ARHGAP28: variants seen among roughly 807,000 people sequenced by gnomAD.
ARHGAP28 encodes rho GTPase-activating protein 28.
A neutral mutation model predicts 90.7 loss-of-function variants in ARHGAP28; 56 were observed. That is an observed-to-expected ratio of 0.62 (90% CI 0.50 to 0.77). ARHGAP28 has a LOEUF of 0.77. Among genes scored for constraint, ARHGAP28 ranks in the 30% least tolerant of loss-of-function variants. The pLI is 0.00. For missense variants in ARHGAP28, 869 were observed against 900.9 expected, an observed-to-expected ratio of 0.96 and a Z score of 0.45; for synonymous variants, 308 against 323.3, an observed-to-expected ratio of 0.95 and a Z score of 0.51.
chr18:6,912,503 T>G lies in ARHGAP28; in HGVS notation c.*349T>G, dbSNP rs2057404734. ...CTAGGGATAAGCAATGTTCTTTATG[T>G]AGCCAATGCTACGAAACAAAAGAGG... On this transcript the variant is annotated 3_prime_UTR_variant, in exon 18 of 18. Coordinates refer to ENST00000383472, the MANE Select transcript of ARHGAP28 (RefSeq NM_001366230.1). 6.3e-6 allele frequency: 1 copy of G among 159,612 alleles called. No individual in the cohort carries two copies. The highest frequency in any genetic ancestry group is 6.4e-5 in the Admixed American group (1 of 15,540). 9.9% of individuals were successfully genotyped at this position (159,612 alleles called of 1,614,324 possible). A position where few individuals can be genotyped will look rare whatever the true frequency, so the allele number is the denominator to read the frequency against.
chr18:6,841,210 T>TCTCTCTCTCTCTCTCTCTC (rs1567966910), intron 3 of ARHGAP28, among the ~76,000 whole-genome samples: 12 of 94,370 alleles, frequency 1.3e-4, no homozygotes, highest in African/African-American at 5.6e-4. Context: ...TCTCCTCTCC[T>TCTCTCTCTCTCTCTCTCTC]CTCTCTCTCT....
chr18:6,751,683 G>A (rs747509250), intron 1 of ARHGAP28, among the ~76,000 whole-genome samples: 4 of 152,196 alleles, frequency 2.6e-5, no homozygotes, highest in East Asian at 1.9e-4. Context: ...GGTTCTCTAC[G>A]GGGGTGTCCA....
chr18:6,870,007 G>A lies in ARHGAP28; in HGVS notation c.812-583G>A, dbSNP rs367834924. 3.2e-4 allele frequency among the ~76,000 whole-genome samples: 48 copies of A among 152,276 alleles called. 1 individual carries two copies. Among genetic ancestry groups the A allele is most frequent in the African/African-American group, 1.1e-3 (47 of 41,558 alleles). ...ATAACCCATTCAGCTTTTTCTCAAT[G>A]TATGTCATACAAGATCAGGTAACCA... On this transcript the variant is annotated intron_variant, in intron 6 of 17. Transcript: ENST00000383472.
intron 1 of ARHGAP28, among the ~76,000 whole-genome samples, chr18:6,798,496 G>A (rs1247065213): frequency 6.6e-6 from 1 of 152,148 alleles, no homozygotes; most frequent in Non-Finnish European, 1.5e-5. Context: ...TGCCCAGCCT[G>A]TAAATTATTA....
chr18:6,749,253 A>C (rs964621805), intron 1 of ARHGAP28, among the ~76,000 whole-genome samples: 1 of 152,220 alleles, frequency 6.6e-6, no homozygotes, highest in Non-Finnish European at 1.5e-5. Flanking sequence ...AATTATAGGT[A>C]GCAAATTAAT....
In ARHGAP28 at chr18:6,890,524, G is replaced by C. The variant is rs748649231; in HGVS notation, c.1829G>C (p.Arg610Thr). The change falls in exon 14 of 18, where the codon AGG (arginine) becomes ACG (threonine). Residue 610 changes from arginine (R) to threonine (T), a missense_variant. Coordinates refer to ENST00000383472, the MANE Select transcript of ARHGAP28 (RefSeq NM_001366230.1). Reference sequence around the variant, plus strand: ...CCAAGTGTCAGGAAGCTGCTCAGGAGGAAGACCCTCGAGCGGGAGGTAAGA... The same window carrying C: ...CCAAGTGTCAGGAAGCTGCTCAGGACGAAGACCCTCGAGCGGGAGGTAAGA... ...QLPSVRKLLR[R>T]KTLERETASP... 6.2e-7 allele frequency: 1 copy of C among 1,611,240 alleles called. No individual in the cohort carries two copies. Among genetic ancestry groups the C allele is most frequent in the Non-Finnish European group, 8.5e-7 (1 of 1,179,006 alleles).
Position 6,870,771 on chromosome 18 carries a change from G to A in ARHGAP28, c.954+39G>A, listed in dbSNP as rs764494856. 35 of 1,557,674 alleles carry A rather than the reference G, an allele frequency of 2.2e-5. No individual in the cohort carries two copies. In the Middle Eastern group the frequency reaches 7.5e-4, roughly 34 times the overall value. ...TTCATGATTATTCCAGGAACTTCCT[G>A]TGACTTCATAGGACAAAACTAAGAT... is the stretch of plus-strand genomic sequence containing the variant. On this transcript the variant is annotated intron_variant, in intron 7 of 17. Transcript: ENST00000383472.
intron 1 of ARHGAP28, among the ~76,000 whole-genome samples, chr18:6,751,108 A>C (rs1464178756): frequency 2.0e-5 from 3 of 152,186 alleles, no homozygotes; most frequent in Non-Finnish European, 4.4e-5. Flanking sequence ...TACCCTAGAA[A>C]TATTTATGGA....
rs568023796 is a variant in ARHGAP28 at position 6,890,537 on chromosome 18, G to A, written c.1842G>A (p.Glu614=). Residue 614 remains glutamate (E), a synonymous_variant, in exon 14 of 18, where the codon GAG becomes GAA. Coordinates refer to ENST00000383472, the MANE Select transcript of ARHGAP28 (RefSeq NM_001366230.1). The stretch of plus-strand genomic sequence containing the variant: ...AGCTGCTCAGGAGGAAGACCCTCGA[G>A]CGGGAGGTAAGACAGCAAATGAGGC... The part of the protein sequence containing the change: ...VRKLLRRKTL[E]RETASPKTSK... 4 of 1,607,088 alleles carry A rather than the reference G, an allele frequency of 2.5e-6. No individual in the cohort carries two copies. In the African/African-American group the frequency reaches 5.4e-5, roughly 22 times the overall value.
At chr18:6,843,061 T>C (rs940038717) in intron 3 of ARHGAP28, among the ~76,000 whole-genome samples, 1 of 152,210 alleles carries the variant, frequency 6.6e-6, no homozygotes, top group Non-Finnish European at 1.5e-5. Flanking sequence ...AACTGTAATT[T>C]ATTTCCTTTT....
intron 1 of ARHGAP28, among the ~76,000 whole-genome samples, chr18:6,780,849 G>T (rs981028174): frequency 6.8e-6 from 1 of 147,532 alleles, no homozygotes; most frequent in Non-Finnish European, 1.5e-5. Context: ...CCGAGATCAC[G>T]CCATTTGCAC....
chr18:6,827,495 A>T (rs529339381), intron 2 of ARHGAP28, among the ~76,000 whole-genome samples: 272 of 110,466 alleles, frequency 2.5e-3, no homozygotes, highest in Middle Eastern at 6.9e-3. Context: ...GCGGCCGGGC[A>T]GAGGCGCCCC....
In ARHGAP28 at chr18:6,859,842, C is replaced by T. The variant is rs2056983772; in HGVS notation, c.671C>T (p.Ser224Phe). 1.1e-5 allele frequency: 17 copies of T among 1,614,234 alleles called. No individual in the cohort carries two copies. Among genetic ancestry groups the T allele is most frequent in the Non-Finnish European group, 1.4e-5 (16 of 1,180,034 alleles). Residue 224 changes from serine to phenylalanine, a missense_variant, in exon 5 of 18, where the codon TCT becomes TTT. Coordinates refer to ENST00000383472, the MANE Select transcript of ARHGAP28 (RefSeq NM_001366230.1). ...DDASLNSTTL[S>F]DASQDKEGSF... ...GCTTCTCTCAACAGTACTACCCTGT[C>T]TGACGCATCCCAGGATAAAGAAGGG...
chr18:6,881,614 C>G (rs573470311), intron 10 of ARHGAP28, among the ~76,000 whole-genome samples: 2 of 152,296 alleles, frequency 1.3e-5, no homozygotes, highest in East Asian at 3.9e-4. Flanking sequence ...AATAAAACTT[C>G]GCTGTCACTG....
chr18:6,853,405 G>A lies in ARHGAP28; in HGVS notation c.636+2279G>A, dbSNP rs994736941. On this transcript the variant is annotated intron_variant, in intron 4 of 17. Coordinates refer to ENST00000383472, the MANE Select transcript of ARHGAP28 (RefSeq NM_001366230.1). Reference sequence around the variant, plus strand: ...GCTTCATCTGCATGATAAAACCTAGGTCTCCACAGCCCCTATCATAACTCA... The same window carrying A: ...GCTTCATCTGCATGATAAAACCTAGATCTCCACAGCCCCTATCATAACTCA... 3.9e-5 allele frequency among the ~76,000 whole-genome samples: 6 copies of A among 151,984 alleles called. 1 individual carries two copies. Among genetic ancestry groups the A allele is most frequent in the Admixed American group, 2.0e-4 (3 of 15,272 alleles).
chr18:6,896,567 T>G lies in ARHGAP28; in HGVS notation c.1971T>G (p.Ile657Met), dbSNP rs1286403955. 1 of 1,614,176 alleles carries G rather than the reference T, an allele frequency of 6.2e-7. No individual in the cohort carries two copies. Among genetic ancestry groups the G allele is most frequent in the East Asian group, 2.2e-5 (1 of 44,874 alleles). Residue 657 changes from isoleucine (I) to methionine (M), a missense_variant, in exon 16 of 18, where the codon ATT becomes ATG. By Grantham distance (10) the Ile-to-Met change is conservative (BLOSUM62 1). Transcript: ENST00000383472. ...TTCTCTCCAAGGTGTCCATGGCCAT[T>G]CAACTCAACAATCAAACCAAAGCCA... ...APLLSKVSMA[I>M]QLNNQTKAKD...
chr18:6,775,155 T>A (rs1363314667), intron 1 of ARHGAP28, among the ~76,000 whole-genome samples: 1 of 152,250 alleles, frequency 6.6e-6, no homozygotes, highest in Non-Finnish European at 1.5e-5. Context: ...GTTTGTCTTC[T>A]ATTTCATTTT....
At chr18:6,740,228 C>T (rs1440017452) in intron 1 of ARHGAP28, among the ~76,000 whole-genome samples, 2 of 152,194 alleles carry the variant, frequency 1.3e-5, no homozygotes, top group Non-Finnish European at 2.9e-5. Flanking sequence ...TCTATTCTCT[C>T]CCAATTTTCA....
chr18:6,737,543 A>G (rs1256423792), intron 1 of ARHGAP28, among the ~76,000 whole-genome samples: 2 of 152,214 alleles, frequency 1.3e-5, no homozygotes, highest in East Asian at 3.8e-4. Context: ...AATGCTGTTT[A>G]AAGGACTAAA....
Sources: gnomAD v4.1 joint callset for allele counts (sites outside exome capture counted in the v4.1 genomes callset) on GRCh38, gnomAD v4.1.1 for gene constraint, MANE v1.5 for transcripts, NCBI Gene and HGNC (gene_info 2026-07-23, HGNC 2026-07-21) for gene names.